HPSE2: variants seen among roughly 807,000 people sequenced by gnomAD.
HPSE2 encodes the protein heparanase 2 (inactive).
HPSE2 carries 38 observed loss-of-function variants against 60.5 expected under a neutral mutation model. That is an observed-to-expected ratio of 0.63 (90% CI 0.48 to 0.82). The LOEUF is 0.82. Ranked by LOEUF, HPSE2 falls within the 40% of genes least tolerant of loss-of-function variation. The probability of loss-of-function intolerance (pLI) is 0.00; values close to 1 mark genes in which losing one functional copy is unlikely to be tolerated. For synonymous variants in HPSE2, 295 were observed against 293.2 expected, an observed-to-expected ratio of 1.01 and a Z score of -0.06; for missense variants, 713 against 740.4, an observed-to-expected ratio of 0.96 and a Z score of 0.43.
intron 3 of HPSE2, among the ~76,000 whole-genome samples, chr10:98,880,895 T>C (rs1001750800): frequency 3.9e-5 from 6 of 152,108 alleles, no homozygotes; most frequent in Admixed American, 6.6e-5. Context: ...TTAGTTTGTT[T>C]TGTCAGGTAT....
chr10:99,272,568 C>T, the HPSE2 span, among the ~76,000 whole-genome samples: 58 of 151,256 alleles, frequency 3.8e-4, no homozygotes, highest in South Asian at 0.012. Context: ...GGAACTTAAA[C>T]AAATTGCAAG....
chr10:98,824,262 G>C (rs915344371), intron 3 of HPSE2, among the ~76,000 whole-genome samples: 1 of 152,090 alleles, frequency 6.6e-6, no homozygotes, highest in Non-Finnish European at 1.5e-5. Flanking sequence ...GTTAGTGAGC[G>C]GGGGTGGTCA....
At chr10:98,576,656 C>T (rs557916388) in intron 9 of HPSE2, among the ~76,000 whole-genome samples, 27 of 152,012 alleles carry the variant, frequency 1.8e-4, no homozygotes, top group Admixed American at 3.3e-4. Flanking sequence ...CTCAGGTCTA[C>T]CTCATTTTTT....
intron 2 of HPSE2, among the ~76,000 whole-genome samples, chr10:99,164,917 C>G (rs1249004912): frequency 2.0e-5 from 3 of 151,810 alleles, no homozygotes; most frequent in African/African-American, 7.3e-5. Flanking sequence ...AACCCCGTCT[C>G]TACTAAAAAT....
rs1007567056 is a variant in HPSE2, at chr10:99,153,789, C to T, written c.449-9390G>A. 6.6e-5 allele frequency among the ~76,000 whole-genome samples: 10 copies of T among 152,132 alleles called. No individual in the cohort carries two copies. In the East Asian group the frequency reaches 9.7e-4, roughly 15 times the overall value. ...CGAGCTGAGAGAAGAAGGCTTCAGA[C>T]GATCAAATTACTCTGAGCTACGGGA... On this transcript the variant is annotated intron_variant, in intron 2 of 11. Coordinates refer to ENST00000370552, the MANE Select transcript of HPSE2 (RefSeq NM_021828.5).
At chr10:98,675,348 C>T (rs568581822) in intron 6 of HPSE2, among the ~76,000 whole-genome samples, 1 of 152,138 alleles carries the variant, frequency 6.6e-6, no homozygotes, top group East Asian at 1.9e-4. Flanking sequence ...TGTATTGGAG[C>T]CAGAATTCAA....
the HPSE2 span, among the ~76,000 whole-genome samples, chr10:99,289,021 GTCT>G: frequency 2.0e-5 from 3 of 152,142 alleles, no homozygotes; most frequent in African/African-American, 7.2e-5. Flanking sequence ...CATGGTCACT[GTCT>G]TCTGTTTTAC....
At chr10:98,652,305 C>A (rs1279542287) in intron 6 of HPSE2, among the ~76,000 whole-genome samples, 1 of 152,130 alleles carries the variant, frequency 6.6e-6, no homozygotes, top group East Asian at 1.9e-4. Context: ...CAACATAGTG[C>A]ATTGGGGATC....
At chr10:99,277,617 T>C in the HPSE2 span, among the ~76,000 whole-genome samples, 74 of 152,300 alleles carry the variant, frequency 4.9e-4, no homozygotes, top group African/African-American at 1.8e-3. Flanking sequence ...AGGCATCTAA[T>C]AGAAATATGT....
intron 3 of HPSE2, among the ~76,000 whole-genome samples, chr10:98,944,234 A>G (rs1955112463): frequency 6.6e-6 from 1 of 152,162 alleles, no homozygotes; most frequent in Non-Finnish European, 1.5e-5. Flanking sequence ...ATTAAGGGAC[A>G]GTATCTAAAG....
chr10:98,945,870 T>A (rs1955166046), intron 3 of HPSE2, among the ~76,000 whole-genome samples: 1 of 152,190 alleles, frequency 6.6e-6, no homozygotes, highest in Non-Finnish European at 1.5e-5. Flanking sequence ...ATTTCATTGT[T>A]CCCATTCCTC....
At chr10:99,156,665 G>A (rs1401192447) in intron 2 of HPSE2, among the ~76,000 whole-genome samples, 1 of 116,078 alleles carries the variant, frequency 8.6e-6, no homozygotes, top group African/African-American at 2.6e-5. Context: ...GCAAAAACTG[G>A]AAGCATTCCC....
At chr10:98,664,640 A>C (rs1021152316) in intron 6 of HPSE2, among the ~76,000 whole-genome samples, 2 of 152,228 alleles carry the variant, frequency 1.3e-5, no homozygotes, top group African/African-American at 4.8e-5. Flanking sequence ...CATCGCTCTC[A>C]GGCGCCATCT....
At chr10:98,537,342 G>A (rs1943313400) in intron 9 of HPSE2, among the ~76,000 whole-genome samples, 1 of 152,236 alleles carries the variant, frequency 6.6e-6, no homozygotes, top group East Asian at 1.9e-4. Context: ...GTATTTGTGA[G>A]TGTGGGCGGA....
chr10:98,658,406 T>C (rs1482778357), intron 6 of HPSE2, among the ~76,000 whole-genome samples: 1 of 152,240 alleles, frequency 6.6e-6, no homozygotes, highest in African/African-American at 2.4e-5. Context: ...TTGTTTTTGT[T>C]TCAACCATTT....
At chr10:99,127,737 T>C (rs1386514191) in intron 3 of HPSE2, among the ~76,000 whole-genome samples, 1 of 152,192 alleles carries the variant, frequency 6.6e-6, no homozygotes, top group Non-Finnish European at 1.5e-5. Context: ...TCTTAAGACC[T>C]GTGAGACAAA....
At chr10:98,995,181 T>C (rs749541321) in intron 3 of HPSE2, among the ~76,000 whole-genome samples, 2 of 152,198 alleles carry the variant, frequency 1.3e-5, no homozygotes, top group African/African-American at 2.4e-5. Flanking sequence ...GTTCAAAATA[T>C]ATCTGCTGAC....
chr10:98,536,065 C>T (rs1943274327), intron 9 of HPSE2, among the ~76,000 whole-genome samples: 2 of 152,172 alleles, frequency 1.3e-5, no homozygotes, highest in Non-Finnish European at 2.9e-5. Flanking sequence ...GCAATAGGTC[C>T]CATCTCATTT....
At chr10:99,174,665 T>C (rs1165367309) in intron 2 of HPSE2, among the ~76,000 whole-genome samples, 3 of 152,186 alleles carry the variant, frequency 2.0e-5, no homozygotes, top group South Asian at 2.1e-4. Flanking sequence ...ATGCATTGTA[T>C]CCACCTAAAA....
Sources: gnomAD v4.1 joint callset for allele counts (sites outside exome capture counted in the v4.1 genomes callset) on GRCh38, gnomAD v4.1.1 for gene constraint, MANE v1.5 for transcripts, NCBI Gene and HGNC (gene_info 2026-07-23, HGNC 2026-07-21) for gene names.